Variants in COL13A1 observed in about 807,000 individuals in gnomAD.
The protein encoded by COL13A1 is collagen type XIII alpha 1 chain.
COL13A1 carries 89 observed loss-of-function variants against 130.9 expected under a neutral mutation model. That is an observed-to-expected ratio of 0.68 (90% confidence interval 0.57 to 0.81). The LOEUF is 0.81. COL13A1 is among the 30% of genes least tolerant of loss of function. The probability of loss-of-function intolerance (pLI) is 0.00; values close to 1 mark genes in which losing one functional copy is unlikely to be tolerated. For synonymous variants in COL13A1, 402 were observed against 341.6 expected, an observed-to-expected ratio of 1.18 and a Z score of -1.95; for missense variants, 879 against 934.6, an observed-to-expected ratio of 0.94 and a Z score of 0.78.
intron 15 of COL13A1, among the ~76,000 whole-genome samples, chr10:69,903,441 T>C (rs914383400): frequency 4.6e-5 from 7 of 152,180 alleles, no homozygotes; most frequent in African/African-American, 1.7e-4. Flanking sequence ...CTGGACCACA[T>C]TCAAGTGACA....
At chr10:69,891,166 T>G (rs2061132900) in intron 10 of COL13A1, among the ~76,000 whole-genome samples, 1 of 152,188 alleles carries the variant, frequency 6.6e-6, no homozygotes, top group Non-Finnish European at 1.5e-5. Flanking sequence ...GAGACATCCT[T>G]TTAAATGATC....
At position 69,822,372 on chromosome 10, in the gene COL13A1, T is replaced by C. The variant is rs768896398; in HGVS notation, c.298T>C (p.Trp100Arg). 4.4e-6 allele frequency: 7 copies of C among 1,582,404 alleles called. No individual in the cohort carries two copies. Among genetic ancestry groups the C allele is most frequent in the Non-Finnish European group, 6.0e-6 (7 of 1,164,480 alleles). The change falls in exon 2 of 41, where the codon TGG (tryptophan) becomes CGG (arginine). Residue 100 changes from tryptophan to arginine, a missense_variant. Around this residue, in one of 3 missense-constraint regions of COL13A1, gnomAD observed 715 missense variants for 721.0 expected, o/e 0.99. Coordinates refer to ENST00000645393, the MANE Select transcript of COL13A1 (RefSeq NM_001368882.1). ...GRVNQLLDEK[W>R]KLHSRRRREA... ...TCTTGTCTGTCTCCTTGTACAGAAA[T>C]GGAAGCTCCACTCAAGGAGGCGCCG...
At chr10:69,874,460 A>G (rs1268425648) in intron 4 of COL13A1, among the ~76,000 whole-genome samples, 1 of 152,246 alleles carries the variant, frequency 6.6e-6, no homozygotes, top group African/African-American at 2.4e-5. Flanking sequence ...AACAAAACTT[A>G]ATAAGCAGAT....
chr10:69,929,392 G>C (rs2637229), intron 28 of COL13A1, among the ~76,000 whole-genome samples: 1 of 151,512 alleles, frequency 6.6e-6, no homozygotes, highest in Admixed American at 6.6e-5. Flanking sequence ...TTCTCAGAAG[G>C]TCTGCCCCTC....
At chr10:69,931,777 T>C (rs920447961) in intron 30 of COL13A1, among the ~76,000 whole-genome samples, 5 of 152,234 alleles carry the variant, frequency 3.3e-5, no homozygotes, top group Non-Finnish European at 7.3e-5. Context: ...TATCTATTGC[T>C]GCATAACTAA....
intron 7 of COL13A1, 122 bp from the exon 8 acceptor site, chr10:69,887,334 T>G (rs368096176): frequency 2.1e-6 from 2 of 951,506 alleles, no homozygotes; most frequent in African/African-American, 1.6e-5. Context: ...CCACAGTGAG[T>G]GTCCCCCAAG....
At chr10:69,913,810 C>T (rs1203135204) in intron 17 of COL13A1, among the ~76,000 whole-genome samples, 3 of 140,010 alleles carry the variant, frequency 2.1e-5, no homozygotes, top group Admixed American at 7.0e-5. Flanking sequence ...AGCGGCAGAG[C>T]GAGGTCAGCT....
intron 10 of COL13A1, among the ~76,000 whole-genome samples, chr10:69,891,508 C>T (rs1260456256): frequency 2.0e-5 from 3 of 152,186 alleles, no homozygotes; most frequent in Admixed American, 1.3e-4. Context: ...CGCTGGAATC[C>T]AGGTTCCCCA....
At position 69,894,557 on chromosome 10, in the gene COL13A1, G is replaced by T. The variant is rs1206617617; in HGVS notation, c.609G>T (p.Leu203=). ...GHPGPKGDMG[L]TGPPGQPGPQ... ...TGTGTGTTTGCTTCCCACAGGGTCT[G>T]ACGGGTCCCCCAGGACAGCCGGTTG... is the stretch of plus-strand genomic sequence containing the variant. The change falls in exon 11 of 41, where the codon CTG becomes CTT. Residue 203 remains leucine, a synonymous_variant. Coordinates refer to ENST00000645393, the MANE Select transcript of COL13A1 (RefSeq NM_001368882.1). 1 of 1,613,984 alleles carries T rather than the reference G, an allele frequency of 6.2e-7. No homozygotes were observed. The highest frequency in any genetic ancestry group is 8.5e-7 in the Non-Finnish European group (1 of 1,179,896).
chr10:69,822,237 G>A (rs1846271026), intron 1 of COL13A1, 132 bp from the exon 2 acceptor site: 2 of 596,196 alleles, frequency 3.4e-6, no homozygotes, highest in Non-Finnish European at 5.6e-6. Context: ...GCCATTAACT[G>A]CCTGTCTTTG....
At chr10:69,954,775 A>C (rs565846299) in intron 39 of COL13A1, 1 of 152,184 alleles carries the variant, frequency 6.6e-6, no homozygotes, top group African/African-American at 2.4e-5. Flanking sequence ...CCTTTCTTTC[A>C]TGATCAGATG....
In COL13A1 at chr10:69,958,805, A is replaced by C. The variant is rs947487883; in HGVS notation, c.*104A>C. 1 of 1,463,816 alleles carries C rather than the reference A, an allele frequency of 6.8e-7. No homozygotes were observed. The highest frequency in any genetic ancestry group is 9.3e-7 in the Non-Finnish European group (1 of 1,076,542). 90.7% of individuals were successfully genotyped at this position (1,463,816 alleles called of 1,614,324 possible). ...ATGCCAGAAGTATGATGCATCTTACAGATTATTAAAAAAGAAAGAAAAACC... is the reference window on the plus strand; with the variant it reads ...ATGCCAGAAGTATGATGCATCTTACCGATTATTAAAAAAGAAAGAAAAACC... On this transcript the variant is annotated 3_prime_UTR_variant, in exon 41 of 41. Coordinates refer to ENST00000645393, the MANE Select transcript of COL13A1 (RefSeq NM_001368882.1).
At chr10:69,832,646 G>A (rs921475296) in intron 2 of COL13A1, among the ~76,000 whole-genome samples, 2 of 152,156 alleles carry the variant, frequency 1.3e-5, no homozygotes, top group Non-Finnish European at 2.9e-5. Flanking sequence ...GGCAGGGGAA[G>A]GGTGAATTAC....
chr10:69,908,716 C>T (rs1335483027), intron 17 of COL13A1, among the ~76,000 whole-genome samples: 1 of 152,162 alleles, frequency 6.6e-6, no homozygotes, highest in East Asian at 1.9e-4. Flanking sequence ...ACATGTAACC[C>T]AGGCTACATT....
In COL13A1 at chr10:69,918,788, C is replaced by T. The variant is rs537670640; in HGVS notation, c.1000-274C>T. 2.6e-5 allele frequency among the ~76,000 whole-genome samples: 4 copies of T among 152,306 alleles called. No homozygotes were observed. In the East Asian group the frequency reaches 7.7e-4, roughly 29 times the overall value. ...GGGCACCATGTCCAAACCAAATGTC[C>T]ATTCCTTCCTCTCTTTCCTCCTGGG... is the stretch of plus-strand genomic sequence containing the variant. On this transcript the variant is annotated intron_variant, in intron 19 of 40. Coordinates refer to ENST00000645393, the MANE Select transcript of COL13A1 (RefSeq NM_001368882.1).
At position 69,944,110 on chromosome 10, in the gene COL13A1, C is replaced by A; in HGVS notation, c.1915-15C>A. On this transcript the variant is annotated splice_polypyrimidine_tract_variant and intron_variant, in intron 35 of 40. Coordinates refer to ENST00000645393, the MANE Select transcript of COL13A1 (RefSeq NM_001368882.1). ...GTGTGGGGACCCTCACCTCTGCTTT[C>A]TTTCCCCTTCCCAGGGTACTCCAGG... The A allele has an allele frequency of 1.9e-6, 3 of 1,612,834 alleles. No homozygotes were observed. The highest frequency in any genetic ancestry group is 2.5e-6 in the Non-Finnish European group (3 of 1,178,992).
chr10:69,903,475 T>C (rs2062412140), intron 15 of COL13A1, among the ~76,000 whole-genome samples: 1 of 151,978 alleles, frequency 6.6e-6, no homozygotes, highest in Non-Finnish European at 1.5e-5. Context: ...GGCCGCCAAG[T>C]CACCCATGTT....
intron 2 of COL13A1, among the ~76,000 whole-genome samples, chr10:69,866,519 A>G (rs1399560145): frequency 2.6e-5 from 4 of 152,092 alleles, no homozygotes; most frequent in African/African-American, 9.7e-5. Context: ...ATATTTTCAG[A>G]TTCTGGGTGA....
At chr10:69,917,907 T>A (rs1463628694) in intron 18 of COL13A1, among the ~76,000 whole-genome samples, 1 of 151,940 alleles carries the variant, frequency 6.6e-6, no homozygotes, top group Non-Finnish European at 1.5e-5. Context: ...GCCGTCTCCC[T>A]TCCCATCTCC....
Sources: allele counts gnomAD v4.1 joint callset (sites outside exome capture counted in the v4.1 genomes callset), GRCh38; gene constraint gnomAD v4.1.1; regional missense constraint gnomAD v4.1.1; transcripts MANE v1.5; gene names NCBI Gene and HGNC (gene_info 2026-07-23, HGNC 2026-07-21).